The following CDH23 variants were observed in gnomAD, a reference collection of about 807,000 sequenced individuals.
CDH23 encodes cadherin-23.
CDH23 carries 189 observed loss-of-function variants against 317.1 expected under a neutral mutation model. That is an observed-to-expected ratio of 0.60 (90% CI 0.53 to 0.67). CDH23 has a LOEUF of 0.67. Ranked by LOEUF, CDH23 falls within the 30% of genes least tolerant of loss-of-function variation. CDH23 has a pLI of 0.00. For synonymous variants in CDH23, 1,839 were observed against 1,876.8 expected (o/e 0.98, Z 0.52); for missense variants, 4,401 against 4,592.4 (o/e 0.96, Z 1.20).
At position 71,815,181 on chromosome 10, in the gene CDH23, T is replaced by G; in HGVS notation, c.9968T>G (p.Phe3323Cys). The change falls in exon 70 of 70, where the codon TTC (phenylalanine) becomes TGC (cysteine). Residue 3323 changes from phenylalanine (F) to cysteine (C), a missense_variant. Phe to Cys is a radical substitution (Grantham distance 205). Coordinates refer to ENST00000224721, the MANE Select transcript of CDH23 (RefSeq NM_022124.6). ...CTGACCGCTGCCGAGGCCACTGCCTTCGAGCGCAACGCCCGCACAGAATCC... is the reference window on the plus strand; with the variant it reads ...CTGACCGCTGCCGAGGCCACTGCCTGCGAGCGCAACGCCCGCACAGAATCC... ...ETLTAAEATA[F>C]ERNARTESAK... The G allele has an allele frequency of 6.2e-7, 1 of 1,611,022 alleles. No individual in the cohort carries two copies. Among genetic ancestry groups the G allele is most frequent in the Non-Finnish European group, 8.5e-7 (1 of 1,178,496 alleles).
chr10:71,648,164 C>T (rs1422409920), intron 14 of CDH23, among the ~76,000 whole-genome samples: 2 of 152,216 alleles, frequency 1.3e-5, no homozygotes, highest in African/African-American at 2.4e-5. Context: ...TCACCTCCCG[C>T]GTCTCTAGCC....
intron 3 of CDH23, among the ~76,000 whole-genome samples, chr10:71,479,726 G>A (rs1851973925): frequency 6.6e-6 from 1 of 152,104 alleles, no homozygotes; most frequent in South Asian, 2.1e-4. Context: ...GAGGATCAGG[G>A]GCAGGGAAAC....
chr10:71,774,194 G>GCTCCC (rs1840763848), intron 38 of CDH23, among the ~76,000 whole-genome samples: 1 of 151,830 alleles, frequency 6.6e-6, no homozygotes, highest in Non-Finnish European at 1.5e-5. Context: ...CATCCTGCAA[G>GCTCCC]CTCCCCTCCG....
intron 3 of CDH23, among the ~76,000 whole-genome samples, chr10:71,455,646 G>A (rs1850659156): frequency 1.3e-5 from 2 of 151,962 alleles, no homozygotes; most frequent in Non-Finnish European, 2.9e-5. Context: ...AAGCAGCATA[G>A]AAAAAAATAT....
At chr10:71,779,227 G>C (rs373657631) in intron 40 of CDH23, 40 bp from the exon 41 acceptor site, 1 of 1,604,334 alleles carries the variant, frequency 6.2e-7, no homozygotes, top group Non-Finnish European at 8.5e-7. Flanking sequence ...CACAAAGCTG[G>C]CTGGGGTGAG....
At chr10:71,733,469 C>T (rs530149737) in intron 32 of CDH23, among the ~76,000 whole-genome samples, 3 of 152,282 alleles carry the variant, frequency 2.0e-5, no homozygotes, top group Admixed American at 6.5e-5. Flanking sequence ...CTGGCTTGGT[C>T]TTTCTGGTGA....
At chr10:71,407,285 A>G (rs1452969528) in intron 1 of CDH23, among the ~76,000 whole-genome samples, 4 of 152,072 alleles carry the variant, frequency 2.6e-5, no homozygotes, top group Non-Finnish European at 4.4e-5. Context: ...GGGTTCTGGG[A>G]CACCCCCTTT....
At chr10:71,769,672 C>T (rs1045657957) in intron 38 of CDH23, among the ~76,000 whole-genome samples, 1 of 152,134 alleles carries the variant, frequency 6.6e-6, no homozygotes, top group African/African-American at 2.4e-5. Context: ...TGTTTGTGTT[C>T]CCATGATGAG....
In CDH23 at chr10:71,807,608, T is replaced by C. The variant is rs3802707; in HGVS notation, c.8401T>C (p.Phe2801Leu). ...CCGGGAGCGAGAAGCCATCTTCTCCTTCATCGTCAAGGCCTCCAGCAATCG... is the reference window on the plus strand; with the variant it reads ...CCGGGAGCGAGAAGCCATCTTCTCCCTCATCGTCAAGGCCTCCAGCAATCG... ...LDREREAIFS[F>L]IVKASSNRSW... is the part of the protein sequence containing the mutation. Residue 2801 changes from phenylalanine to leucine, a missense_variant, in exon 59 of 70, where the codon TTC becomes CTC. By Grantham distance (22) the Phe-to-Leu change is conservative. Around this residue, in one of 3 missense-constraint regions of CDH23, gnomAD observed 1,144 missense variants for 1,138.2 expected, o/e 1.01. Coordinates refer to ENST00000224721, the MANE Select transcript of CDH23 (RefSeq NM_022124.6). 22 of 1,613,972 alleles carry C rather than the reference T, an allele frequency of 1.4e-5. No homozygotes were observed. The highest frequency in any genetic ancestry group is 6.6e-5 in the South Asian group (6 of 91,080).
At chr10:71,705,227 G>A (rs1002967963) in intron 25 of CDH23, 97 bp downstream of exon 25, 20 of 1,173,938 alleles carry the variant, frequency 1.7e-5, no homozygotes, top group Admixed American at 1.0e-4. Context: ...CCCCACTGCT[G>A]TCTATTGGAC....
At chr10:71,555,286 G>T (rs1052437729) in intron 6 of CDH23, among the ~76,000 whole-genome samples, 21 of 152,146 alleles carry the variant, frequency 1.4e-4, no homozygotes, top group African/African-American at 4.1e-4. Context: ...CTGGGCGCTG[G>T]GGCCAGGGTG....
chr10:71,497,604 G>T (rs1315514702), intron 3 of CDH23, among the ~76,000 whole-genome samples: 1 of 152,230 alleles, frequency 6.6e-6, no homozygotes, highest in Non-Finnish European at 1.5e-5. Context: ...TGGGAGCCGG[G>T]TTGGGTCTTC....
chr10:71,566,654 T>C (rs2132357544), intron 6 of CDH23, 88 bp from the exon 7 acceptor site: 3 of 1,243,180 alleles, frequency 2.4e-6, no homozygotes, highest in South Asian at 2.0e-5. Flanking sequence ...CTGAAGGATG[T>C]AGAGAATGGG....
At chr10:71,583,712 G>A (rs1858821189) in intron 9 of CDH23, among the ~76,000 whole-genome samples, 1 of 152,182 alleles carries the variant, frequency 6.6e-6, no homozygotes, top group Non-Finnish European at 1.5e-5. Flanking sequence ...ATCCCCGAGT[G>A]ACGGGAGGAG....
chr10:71,712,626 AG>A lies in CDH23; in HGVS notation c.3221-37del, dbSNP rs765164653. On this transcript the variant is annotated intron_variant, in intron 27 of 69. Coordinates refer to ENST00000224721, the MANE Select transcript of CDH23 (RefSeq NM_022124.6). ...GTCACAGGAAGTGTGCCCCTCTCTC[AG>A]GCAGCTGCTAACACCTGTCTTCCTT... The A allele has an allele frequency of 1.9e-6, 3 of 1,607,960 alleles. No individual in the cohort carries two copies. In the Admixed American group the frequency reaches 5.0e-5, roughly 27 times the overall value.
chr10:71,482,099 G>C (rs1852099631), intron 3 of CDH23, among the ~76,000 whole-genome samples: 1 of 152,162 alleles, frequency 6.6e-6, no homozygotes, highest in Admixed American at 6.5e-5. Flanking sequence ...TCCCCATTCT[G>C]TGATTCGCCA....
chr10:71,679,624 C>T, intron 17 of CDH23, 132 bp downstream of exon 17: 1 of 723,898 alleles, frequency 1.4e-6, no homozygotes, highest in Non-Finnish European at 2.4e-6. Flanking sequence ...AGGAAGCTGC[C>T]CGGAGCACCT....
At chr10:71,574,927 C>T (rs1858075559) in intron 8 of CDH23, among the ~76,000 whole-genome samples, 1 of 152,152 alleles carries the variant, frequency 6.6e-6, no homozygotes, top group Non-Finnish European at 1.5e-5. Flanking sequence ...CCCTCCATTC[C>T]CCAGTCACCT....
intron 1 of CDH23, among the ~76,000 whole-genome samples, chr10:71,416,191 AT>A: frequency 6.6e-6 from 1 of 152,128 alleles, no homozygotes; most frequent in Admixed American, 6.6e-5. Context: ...TGCCCGGCTA[AT>A]TTTTGTATTT....
Sources: gnomAD v4.1 joint callset for allele counts (sites outside exome capture counted in the v4.1 genomes callset) on GRCh38, gnomAD v4.1.1 for gene constraint, gnomAD v4.1.1 regional missense constraint, MANE v1.5 for transcripts, NCBI Gene and HGNC (gene_info 2026-07-23, HGNC 2026-07-21) for gene names.